The following NEB variants were observed in gnomAD, a reference collection of about 807,000 sequenced individuals.
NEB encodes nebulin.
Under a neutral mutation model 952.2 loss-of-function variants are expected in NEB, and 512 were observed. The observed-to-expected ratio is 0.54, with a 90% CI of 0.50 to 0.58. NEB has a LOEUF of 0.58. Ranked by LOEUF, NEB falls within the 20% of genes least tolerant of loss-of-function variation. The pLI, the probability that NEB is intolerant of heterozygous loss-of-function variation, is 0.00. For synonymous variants in NEB, 2,900 were observed against 3,149.8 expected, an observed-to-expected ratio of 0.92 and a Z score of 2.66; for missense variants, 8,428 against 9,231.1, an observed-to-expected ratio of 0.91 and a Z score of 3.56.
rs555582398 is a variant in NEB at position 151,516,533 on chromosome 2, G to A, written c.22831C>T (p.Arg7611Ter). The change falls in exon 157 of 182, where the codon CGA becomes TGA. Residue 7611 changes from arginine to a stop codon, truncating the protein, a stop_gained. Coordinates refer to ENST00000397345, the MANE Select transcript of NEB (RefSeq NM_001164508.2). LOFTEE classifies it high-confidence loss of function. Reference protein sequence around the residue: ...VKYKEKYEKERGKPMLDFETP... With the variant: ...VKYKEKYEKE ...TCAAAGTCCAGCATGGGTTTTCCTCGTTCCTTTTCATACTTTTCTTTGTAT... is the reference window on the plus strand; with the variant it reads ...TCAAAGTCCAGCATGGGTTTTCCTCATTCCTTTTCATACTTTTCTTTGTAT... 36 of 1,612,186 alleles carry A rather than the reference G, an allele frequency of 2.2e-5. No homozygotes were observed. The highest frequency in any genetic ancestry group is 2.8e-5 in the Non-Finnish European group (33 of 1,178,772).
chr2:151,663,831 G>T lies in NEB; in HGVS notation c.5480C>A (p.Ala1827Asp). 2 of 1,613,762 alleles carry T rather than the reference G, an allele frequency of 1.2e-6. No homozygotes were observed. Among genetic ancestry groups the T allele is most frequent in the Non-Finnish European group, 1.7e-6 (2 of 1,179,714 alleles). The change falls in exon 45 of 182, where the codon GCC becomes GAC. Residue 1827 changes from alanine (A) to aspartate (D), a missense_variant. Ala to Asp is a moderately radical substitution (Grantham distance 126, BLOSUM62 -2). Coordinates refer to ENST00000397345, the MANE Select transcript of NEB (RefSeq NM_001164508.2). ...CCGGAAGCCAATGTGTTTCCCTTTG[G>T]CTTGTTCATAGGCTTTCTTGTATTT... ...DYKYKKAYEQ[A>D]KGKHIGFRSL...
Position 151,570,326 on chromosome 2 carries a change from C to T in NEB, c.17185G>A (p.Asp5729Asn), listed in dbSNP as rs374867405. The T allele has an allele frequency of 6.4e-5, 103 of 1,606,990 alleles. No homozygotes were observed. Among genetic ancestry groups the T allele is most frequent in the Non-Finnish European group, 8.4e-5 (99 of 1,174,974 alleles). ...ATGAGGGCCCAGCGGATCTTGTTGT[C>T]ATCCCTGGCTGTGAGGGTGCCCACG... ...HYVGTLTARD[D>N]NKIRWALIAD... Residue 5729 changes from aspartate (D) to asparagine (N), a missense_variant, in exon 109 of 182, where the codon GAC becomes AAC. Physicochemically the swap from Asp to Asn is conservative, Grantham distance 23. Coordinates refer to ENST00000397345, the MANE Select transcript of NEB (RefSeq NM_001164508.2).
At chr2:151,519,433 T>G (rs541922943) in intron 154 of NEB, among the ~76,000 whole-genome samples, 1 of 152,268 alleles carries the variant, frequency 6.6e-6, no homozygotes, top group Admixed American at 6.5e-5. Context: ...GGCAAATGCA[T>G]AGAGACAAAA....
chr2:151,714,981 T>G (rs932898221), intron 10 of NEB, among the ~76,000 whole-genome samples: 3 of 152,218 alleles, frequency 2.0e-5, no homozygotes, highest in South Asian at 4.1e-4. Flanking sequence ...GGATGCACAA[T>G]AGTCATTAAG....
At chr2:151,507,449 T>G (rs574157563) in intron 162 of NEB, among the ~76,000 whole-genome samples, 1 of 152,308 alleles carries the variant, frequency 6.6e-6, no homozygotes, top group East Asian at 1.9e-4. Flanking sequence ...TTATCTGACC[T>G]TCATTTAAAG....
At chr2:151,551,894 G>T in intron 128 of NEB, 49 bp from the exon 129 acceptor site, 1 of 1,362,762 alleles carries the variant, frequency 7.3e-7, no homozygotes, top group Non-Finnish European at 1.0e-6. Context: ...GGGAACCCAG[G>T]TTCCTCTTTA....
At chr2:151,726,440 C>A (rs1484927032) in intron 5 of NEB, among the ~76,000 whole-genome samples, 1 of 152,178 alleles carries the variant, frequency 6.6e-6, no homozygotes, top group Non-Finnish European at 1.5e-5. Flanking sequence ...TATTGCTCAA[C>A]CTCAATAGGA....
rs374560223 is a variant in NEB, at chr2:151,512,191, C to T, written c.23346+542G>A. Reference sequence around the variant, plus strand: ...GACTACAGGTGCCTGCCACCACGCCCGGCTAATTTTTGTGTATTTTTTTTA... The same window carrying T: ...GACTACAGGTGCCTGCCACCACGCCTGGCTAATTTTTGTGTATTTTTTTTA... On this transcript the variant is annotated intron_variant, in intron 161 of 181. Coordinates refer to ENST00000397345, the MANE Select transcript of NEB (RefSeq NM_001164508.2). Among the ~76,000 whole-genome samples, 35 of 151,910 alleles carry T rather than the reference C, an allele frequency of 2.3e-4. No individual in the cohort carries two copies. The East Asian group carries it at 5.6e-3, about 24-fold the overall frequency.
intron 112 of NEB, 53 bp downstream of exon 112, chr2:151,568,263 A>C (rs1265203971): frequency 6.3e-7 from 1 of 1,595,190 alleles, no homozygotes; most frequent in Admixed American, 1.7e-5. Context: ...CTACAGTTCC[A>C]TTAAGGCCCT....
In NEB at chr2:151,638,056, T is replaced by C. The variant is rs143823012; in HGVS notation, c.8994+1224A>G. 1.5e-3 allele frequency among the ~76,000 whole-genome samples: 221 copies of C among 152,320 alleles called. 1 individual carries two copies. The highest frequency in any genetic ancestry group is 5.1e-3 in the African/African-American group (212 of 41,566). ...TAGATTCACAAAAATCTCCACAGGC[T>C]TATACCCACAGGCTCAGTCTAAGAA... On this transcript the variant is annotated intron_variant, in intron 63 of 181. Transcript: ENST00000397345.
chr2:151,724,711 GC>G (rs2099785167), intron 7 of NEB, 145 bp downstream of exon 7: 1 of 652,248 alleles, frequency 1.5e-6, no homozygotes, highest in Non-Finnish European at 2.7e-6. Context: ...CATCTGTGCA[GC>G]CTCCTTGATG....
chr2:151,523,190 G>A (rs986449153), intron 153 of NEB, among the ~76,000 whole-genome samples: 3 of 151,992 alleles, frequency 2.0e-5, no homozygotes, highest in Non-Finnish European at 2.9e-5. Flanking sequence ...TTTGTTGGTG[G>A]TGGTGATCCC....
At chr2:151,617,232 G>A (rs1405067866) in intron 75 of NEB, 132 bp downstream of exon 75, 2 of 565,792 alleles carry the variant, frequency 3.5e-6, no homozygotes, top group Admixed American at 6.4e-5. Context: ...AATCAAGTGA[G>A]AACTATCTCT....
chr2:151,646,813 C>T (rs2098965733), intron 54 of NEB, among the ~76,000 whole-genome samples: 1 of 152,138 alleles, frequency 6.6e-6, no homozygotes, highest in Admixed American at 6.5e-5. Context: ...CCATACCCGG[C>T]TAATTTTTGT....
intron 72 of NEB, among the ~76,000 whole-genome samples, chr2:151,620,359 A>AATG (rs2098382834): frequency 4.2e-5 from 3 of 70,924 alleles, no homozygotes; most frequent in African/African-American, 1.3e-4. Flanking sequence ...ATATATATAT[A>AATG]TATATATATA....
intron 12 of NEB, among the ~76,000 whole-genome samples, chr2:151,709,325 A>C (rs2099736842): frequency 6.6e-6 from 1 of 152,242 alleles, no homozygotes; most frequent in African/African-American, 2.4e-5. Flanking sequence ...TCCAGTGAGA[A>C]GACACTAAAT....
chr2:151,525,353 C>T, intron 150 of NEB, 80 bp from the exon 151 acceptor site: 4 of 1,017,968 alleles, frequency 3.9e-6, no homozygotes, highest in Admixed American at 2.0e-5. Context: ...GTGAAATCTC[C>T]AGGAAAATCC....
At chr2:151,676,741 A>T (rs986898334) in intron 34 of NEB, among the ~76,000 whole-genome samples, 2 of 152,170 alleles carry the variant, frequency 1.3e-5, no homozygotes, top group African/African-American at 4.8e-5. Flanking sequence ...CCTCCCTTGT[A>T]TTTAACATTT....
At position 151,568,748 on chromosome 2, in the gene NEB, G is replaced by A. The variant is rs1407064124; in HGVS notation, c.17536-32C>T. On this transcript the variant is annotated intron_variant, in intron 110 of 181. Coordinates refer to ENST00000397345, the MANE Select transcript of NEB (RefSeq NM_001164508.2). ...GAAAGAAAGCATCTTTTAGATAGTTGTAATTCCTAGACATGTGTGAACTGA... is the reference window on the plus strand; with the variant it reads ...GAAAGAAAGCATCTTTTAGATAGTTATAATTCCTAGACATGTGTGAACTGA... 2.1e-6 allele frequency: 3 copies of A among 1,449,060 alleles called. No individual in the cohort carries two copies. The South Asian group carries it at 3.7e-5, about 18-fold the overall frequency. 89.8% of individuals were successfully genotyped at this position (1,449,060 alleles called of 1,614,324 possible). A position where few individuals can be genotyped will look rare whatever the true frequency, so the allele number is the denominator to read the frequency against.
Sources: allele counts gnomAD v4.1 joint callset (sites outside exome capture counted in the v4.1 genomes callset), GRCh38; gene constraint gnomAD v4.1.1; transcripts MANE v1.5; gene names NCBI Gene and HGNC (gene_info 2026-07-23, HGNC 2026-07-21).